The following CCDC178 variants were observed in gnomAD, a reference collection of about 807,000 sequenced individuals.
CCDC178 encodes coiled-coil domain containing 178, also known as coiled-coil domain-containing protein 178.
Under a neutral mutation model 117.4 loss-of-function variants are expected in CCDC178, and 126 were observed. The observed-to-expected ratio is 1.07, with a 90% CI of 0.93 to 1.24. The LOEUF (loss-of-function observed/expected upper bound fraction) is 1.24, where lower values mean the gene tolerates loss of function less well. Among genes scored for constraint, CCDC178 ranks in the 50% most tolerant of loss-of-function variants. The pLI is 0.00. For missense variants in CCDC178, 1,030 were observed against 986.9 expected (o/e 1.04, Z -0.59); for synonymous variants, 283 against 313.4 (o/e 0.90, Z 1.02).
chr18:33,338,507 A>G (rs954563402), intron 9 of CCDC178, among the ~76,000 whole-genome samples: 2 of 152,204 alleles, frequency 1.3e-5, no homozygotes, highest in Admixed American at 1.3e-4. Context: ...CCAAATGCCC[A>G]TTAATCACTT....
At chr18:33,308,345 T>C (rs932329508) in intron 11 of CCDC178, among the ~76,000 whole-genome samples, 1 of 152,194 alleles carries the variant, frequency 6.6e-6, no homozygotes, top group Admixed American at 6.5e-5. Context: ...ATGGGGCCTG[T>C]AGCCCCCTTT....
At chr18:33,137,198 CA>C (rs2058139372) in intron 20 of CCDC178, among the ~76,000 whole-genome samples, 1 of 152,258 alleles carries the variant, frequency 6.6e-6, no homozygotes, top group Admixed American at 6.5e-5. Flanking sequence ...CATTGGAACA[CA>C]TTTCATTAAT....
At position 33,215,696 on chromosome 18, in the gene CCDC178, C is replaced by A; in HGVS notation, c.1933-1G>T. ...CTTTAAAAATTGCTGAGCGTTTACT[C>A]TGAAAAAAAATATACACAAGTGTTT... On this transcript the variant is annotated splice_acceptor_variant, in intron 18 of 22. Transcript: ENST00000383096. LOFTEE classifies it high-confidence loss of function. 1.3e-6 allele frequency: 2 copies of A among 1,509,320 alleles called. No individual in the cohort carries two copies. The highest frequency in any genetic ancestry group is 1.8e-6 in the Non-Finnish European group (2 of 1,134,262). The allele number at this position is 1,509,320 out of a possible 1,614,324, so 93.5% of individuals were successfully genotyped here.
chr18:33,014,233 C>T (rs6507003), intron 21 of CCDC178, among the ~76,000 whole-genome samples: 15,903 of 152,094 alleles, frequency 0.1, 1,314 homozygotes, highest in African/African-American at 0.22. Flanking sequence ...ATTTGATCTG[C>T]CCAGAAACTC....
intron 2 of CCDC178, among the ~76,000 whole-genome samples, chr18:33,432,579 T>C (rs2064236120): frequency 6.6e-6 from 1 of 151,942 alleles, no homozygotes; most frequent in Non-Finnish European, 1.5e-5. Flanking sequence ...CTTCTAATTT[T>C]ATACACTCCA....
chr18:33,224,930 G>C lies in CCDC178; in HGVS notation c.1663C>G (p.Leu555Val). The change falls in exon 17 of 23, where the codon CTA (leucine) becomes GTA (valine). Residue 555 changes from leucine (L) to valine (V), a missense_variant. Transcript: ENST00000383096. The stretch of plus-strand genomic sequence containing the variant: ...GCCTGGACTTCGTAAATGGAATATA[G>C]TTTTTTCTGCCAGCAAAGATTTTAA... ...VAAGMVLQKK[L>V]YSIYEVQALE... The C allele has an allele frequency of 6.8e-7, 1 of 1,472,212 alleles. No individual in the cohort carries two copies. Among genetic ancestry groups the C allele is most frequent in the Non-Finnish European group, 9.0e-7 (1 of 1,109,668 alleles). 91.2% of individuals were successfully genotyped at this position (1,472,212 alleles called of 1,614,324 possible).
chr18:33,057,593 G>C (rs1416199003), intron 21 of CCDC178, among the ~76,000 whole-genome samples: 2 of 152,136 alleles, frequency 1.3e-5, no homozygotes, highest in Non-Finnish European at 2.9e-5. Flanking sequence ...CTGGGTTCAA[G>C]TGGTTCTTCT....
chr18:33,068,160 G>T (rs989785652), intron 21 of CCDC178, among the ~76,000 whole-genome samples: 13 of 151,982 alleles, frequency 8.6e-5, no homozygotes, highest in African/African-American at 2.4e-4. Flanking sequence ...GAGTAACAAG[G>T]TTGAATCAGT....
intron 11 of CCDC178, among the ~76,000 whole-genome samples, chr18:33,319,480 T>C (rs1486666362): frequency 1.3e-5 from 2 of 152,158 alleles, no homozygotes; most frequent in South Asian, 2.1e-4. Context: ...TTTCCTATTG[T>C]GAATCATGCC....
chr18:33,076,241 A>G (rs898117137), intron 21 of CCDC178, among the ~76,000 whole-genome samples: 14 of 152,204 alleles, frequency 9.2e-5, no homozygotes, highest in Non-Finnish European at 1.9e-4. Context: ...CAATCACTTC[A>G]GATGGACTTC....
intron 17 of CCDC178, among the ~76,000 whole-genome samples, chr18:33,224,553 G>T (rs908324972): frequency 6.6e-6 from 1 of 152,070 alleles, no homozygotes; most frequent in Admixed American, 6.6e-5. Context: ...CTTGAAACCT[G>T]CTTTTCCCAA....
intron 9 of CCDC178, among the ~76,000 whole-genome samples, chr18:33,342,342 T>C (rs561698485): frequency 6.6e-6 from 1 of 152,330 alleles, no homozygotes; most frequent in African/African-American, 2.4e-5. Context: ...GGAATAGTTA[T>C]AAGAAACAAG....
At chr18:33,190,982 T>C (rs1290081594) in intron 20 of CCDC178, among the ~76,000 whole-genome samples, 3 of 152,208 alleles carry the variant, frequency 2.0e-5, no homozygotes, top group Non-Finnish European at 4.4e-5. Context: ...GCTCATATTA[T>C]CTCATTTTTA....
At chr18:33,259,679 T>C (rs1178531803) in intron 14 of CCDC178, among the ~76,000 whole-genome samples, 4 of 151,416 alleles carry the variant, frequency 2.6e-5, no homozygotes, top group East Asian at 2.0e-4. Context: ...TCTCCCAACA[T>C]GTGGGGATTC....
intron 14 of CCDC178, among the ~76,000 whole-genome samples, chr18:33,246,549 A>G (rs958216067): frequency 1.3e-5 from 2 of 151,798 alleles, no homozygotes; most frequent in Non-Finnish European, 2.9e-5. Context: ...AGAATGATGT[A>G]GAAATAAGAA....
intron 11 of CCDC178, among the ~76,000 whole-genome samples, chr18:33,299,420 C>T (rs1473712649): frequency 6.6e-6 from 1 of 151,544 alleles, no homozygotes; most frequent in Non-Finnish European, 1.5e-5. Flanking sequence ...AAAAATAGAC[C>T]TCATCTCTTA....
chr18:33,367,911 G>GT (rs2063236418), intron 6 of CCDC178, among the ~76,000 whole-genome samples: 2 of 151,876 alleles, frequency 1.3e-5, no homozygotes, highest in African/African-American at 4.8e-5. Flanking sequence ...GATAAAACTC[G>GT]TATTTATTTA....
chr18:33,042,532 A>G (rs1221337223), intron 21 of CCDC178, among the ~76,000 whole-genome samples: 2 of 151,940 alleles, frequency 1.3e-5, no homozygotes, highest in African/African-American at 4.8e-5. Context: ...AAAATGCAAT[A>G]TATGTATCTT....
At chr18:33,393,532 A>G (rs2063590888) in intron 4 of CCDC178, among the ~76,000 whole-genome samples, 1 of 152,114 alleles carries the variant, frequency 6.6e-6, no homozygotes, top group South Asian at 2.1e-4. Flanking sequence ...TTTGATTTTT[A>G]TCACCATAGC....
Sources: allele counts gnomAD v4.1 joint callset (sites outside exome capture counted in the v4.1 genomes callset), GRCh38; gene constraint gnomAD v4.1.1; transcripts MANE v1.5; gene names NCBI Gene and HGNC (gene_info 2026-07-23, HGNC 2026-07-21).